Variants in PSD4 observed in about 807,000 individuals in gnomAD.
The protein encoded by PSD4 is pleckstrin and Sec7 domain containing 4, also known as PH and SEC7 domain-containing protein 4.
PSD4 carries 59 observed loss-of-function variants against 112.5 expected under a neutral mutation model. The ratio of observed to expected loss-of-function variants is 0.52; its 90% CI spans 0.43 to 0.65. The LOEUF (loss-of-function observed/expected upper bound fraction) is 0.65, where lower values mean the gene tolerates loss of function less well. Among genes scored for constraint, PSD4 ranks in the 30% least tolerant of loss-of-function variants. The pLI, the probability that PSD4 is intolerant of heterozygous loss-of-function variation, is 0.00. For missense variants in PSD4, 1,267 were observed against 1,352.6 expected, an observed-to-expected ratio of 0.94 and a Z score of 0.99; for synonymous variants, 533 against 540.0, an observed-to-expected ratio of 0.99 and a Z score of 0.18.
intron 1 of PSD4, among the ~76,000 whole-genome samples, chr2:113,176,112 C>T (rs45564941): frequency 4.0e-4 from 61 of 152,324 alleles, no homozygotes; most frequent in Middle Eastern, 3.4e-3. Flanking sequence ...CCATCACCTT[C>T]CTACTCAGGG....
At chr2:113,192,634 A>C (rs1573369131) in intron 6 of PSD4, 45 bp downstream of exon 6, 1 of 1,593,226 alleles carries the variant, frequency 6.3e-7, no homozygotes, top group Non-Finnish European at 8.6e-7. Flanking sequence ...TGAGGCAGCC[A>C]GGGAGGAGCT....
chr2:113,181,218 A>T (rs1366400448), intron 1 of PSD4, among the ~76,000 whole-genome samples: 1 of 134,644 alleles, frequency 7.4e-6, no homozygotes, highest in Non-Finnish European at 1.6e-5. Flanking sequence ...ACAGAGCGAG[A>T]CTCTGTCTCA....
intron 10 of PSD4, among the ~76,000 whole-genome samples, chr2:113,195,463 GTCAT>G: frequency 6.6e-6 from 1 of 152,246 alleles, no homozygotes; most frequent in African/African-American, 2.4e-5. Context: ...TGCCTGGCAG[GTCAT>G]CTTTATGTCT....
chr2:113,189,072 C>T (rs1688382293), intron 5 of PSD4, among the ~76,000 whole-genome samples: 1 of 152,116 alleles, frequency 6.6e-6, no homozygotes, highest in Non-Finnish European at 1.5e-5. Flanking sequence ...TCACCCTTTA[C>T]CCCTGAGTCT....
chr2:113,181,627 T>C (rs745664228), intron 1 of PSD4, among the ~76,000 whole-genome samples: 1 of 152,144 alleles, frequency 6.6e-6, no homozygotes, highest in Non-Finnish European at 1.5e-5. Flanking sequence ...CTCCTCCCCA[T>C]GCAGCAGGCA....
intron 1 of PSD4, among the ~76,000 whole-genome samples, 200 bp from the exon 2 acceptor site, chr2:113,182,146 C>T (rs1050162777): frequency 5.3e-5 from 8 of 152,198 alleles, no homozygotes; most frequent in Admixed American, 3.3e-4. Flanking sequence ...GCAGGTGCTG[C>T]CCTGGTGCAA....
At position 113,183,062 on chromosome 2, in the gene PSD4, C is replaced by A. The variant is rs761366546; in HGVS notation, c.606C>A (p.His202Gln). ...ACCTCCCCGGGGACACGGGCCTGCA[C>A]TCCAGCCCACCTGAGAATGAAGACT... Reference protein sequence around the residue: ...PVDLPGDTGLHSSPPENEDSG... With the variant: ...PVDLPGDTGLQSSPPENEDSG... Residue 202 changes from histidine to glutamine, a missense_variant, in exon 2 of 17, where the codon CAC (histidine) becomes CAA (glutamine). Physicochemically the swap from His to Gln is conservative, Grantham distance 24. Around this residue, in one of 2 missense-constraint regions of PSD4, gnomAD observed 723 missense variants for 704.0 expected, o/e 1.03. Coordinates refer to ENST00000245796, the MANE Select transcript of PSD4 (RefSeq NM_012455.3). The A allele has an allele frequency of 1.2e-6, 2 of 1,612,924 alleles. No individual in the cohort carries two copies. The highest frequency in any genetic ancestry group is 1.7e-6 in the Non-Finnish European group (2 of 1,179,194).
At chr2:113,185,154 C>T in intron 3 of PSD4, 81 bp downstream of exon 3, 1 of 1,599,082 alleles carries the variant, frequency 6.3e-7, no homozygotes, top group East Asian at 2.2e-5. Context: ...CAGGGCCTAG[C>T]ACCAACAATC....
chr2:113,200,095 G>T (rs1173519367), intron 16 of PSD4, among the ~76,000 whole-genome samples: 1 of 151,948 alleles, frequency 6.6e-6, no homozygotes, highest in South Asian at 2.1e-4. Flanking sequence ...CAAAGTGCTG[G>T]GATTACAGGT....
At chr2:113,198,095 G>A in intron 14 of PSD4, 182 bp downstream of exon 14, 1 of 774,762 alleles carries the variant, frequency 1.3e-6, no homozygotes, top group Non-Finnish European at 1.9e-6. Flanking sequence ...ATGAAGCCCA[G>A]GCATCGCCTA....
intron 10 of PSD4, among the ~76,000 whole-genome samples, chr2:113,194,450 TAG>T (rs1688541392): frequency 6.6e-6 from 1 of 152,258 alleles, no homozygotes; most frequent in Non-Finnish European, 1.5e-5. Context: ...GCTTGGCACA[TAG>T]CATGTGTGTC....
In PSD4 at chr2:113,198,818, C is replaced by G; in HGVS notation, c.2703C>G (p.Ala901=). The change falls in exon 15 of 17, where the codon GCC becomes GCG. Residue 901 remains alanine, a synonymous_variant. Coordinates refer to ENST00000245796, the MANE Select transcript of PSD4 (RefSeq NM_012455.3). The part of the protein sequence containing the change: ...AATHSAPPFP[A]AVGSQRRFVR... Reference sequence around the variant, plus strand: ...CGCACTCCGCGCCGCCCTTCCCCGCCGCTGTGGGCTCCCAGCGCAGATTCG... The same window carrying G: ...CGCACTCCGCGCCGCCCTTCCCCGCGGCTGTGGGCTCCCAGCGCAGATTCG... 6 of 1,595,350 alleles carry G rather than the reference C, an allele frequency of 3.8e-6. No individual in the cohort carries two copies. The highest frequency in any genetic ancestry group is 5.1e-6 in the Non-Finnish European group (6 of 1,175,372).
At chr2:113,198,056 G>A in intron 14 of PSD4, 143 bp downstream of exon 14, 2 of 1,076,704 alleles carry the variant, frequency 1.9e-6, no homozygotes, top group Non-Finnish European at 1.3e-6. Flanking sequence ...TTAGAAAGCG[G>A]CAGCAGGAAG....
In PSD4 at chr2:113,205,851, G is replaced by A. The variant is rs1286753277; in HGVS notation, c.*4436G>A. ...GCTGAGCTGAGCAGGCATGCTCACA[G>A]ATCCTCAAGGTTTCTTGAATGGCTA... On this transcript the variant is annotated 3_prime_UTR_variant, in exon 17 of 17. Coordinates refer to ENST00000245796, the MANE Select transcript of PSD4 (RefSeq NM_012455.3). 1.3e-5 allele frequency: 2 copies of A among 152,272 alleles called. No individual in the cohort carries two copies. The highest frequency in any genetic ancestry group is 1.3e-4 in the Admixed American group (2 of 15,280). The allele number at this position is 152,272 out of a possible 1,614,324, so 9.4% of individuals were successfully genotyped here.
At chr2:113,186,347 G>C in intron 5 of PSD4, 92 bp downstream of exon 5, 1 of 1,323,808 alleles carries the variant, frequency 7.6e-7, no homozygotes, top group Non-Finnish European at 1.0e-6. Context: ...ATGCACATTG[G>C]AATTAAACAT....
chr2:113,174,534 G>A (rs2104486785), intron 1 of PSD4, among the ~76,000 whole-genome samples: 1 of 152,272 alleles, frequency 6.6e-6, no homozygotes, highest in Middle Eastern at 3.4e-3. Flanking sequence ...TGGAAGGCCT[G>A]GGTTTGGGGT....
Position 113,182,884 on chromosome 2 carries a change from G to T in PSD4, c.428G>T (p.Ser143Ile), listed in dbSNP as rs771836147. The change falls in exon 2 of 17, where the codon AGC (serine) becomes ATC (isoleucine). Residue 143 changes from serine (S) to isoleucine (I), a missense_variant. Ser to Ile is a moderately radical substitution (Grantham distance 142). This residue lies in a region of PSD4 where 723 missense variants were observed against 704.0 expected (regional missense o/e 1.03). Coordinates refer to ENST00000245796, the MANE Select transcript of PSD4 (RefSeq NM_012455.3). Reference protein sequence around the residue: ...GSPVNSHLPGSPKQNRSTSTQ... With the variant: ...GSPVNSHLPGIPKQNRSTSTQ... ...CCAGTGAACAGCCATCTACCGGGGA[G>T]CCCAAAGCAGAACCGGAGCACGTCC... The T allele has an allele frequency of 1.2e-6, 2 of 1,614,202 alleles. No homozygotes were observed. Among genetic ancestry groups the T allele is most frequent in the East Asian group, 2.2e-5 (1 of 44,866 alleles).
intron 11 of PSD4, 71 bp from the exon 12 acceptor site, chr2:113,196,076 T>G: frequency 6.5e-7 from 1 of 1,542,558 alleles, no homozygotes; most frequent in Non-Finnish European, 8.8e-7. Flanking sequence ...GCTAAGGCTC[T>G]GGGAGGCAAT....
chr2:113,176,026 A>T (rs1488843163), intron 1 of PSD4, among the ~76,000 whole-genome samples: 3 of 152,100 alleles, frequency 2.0e-5, no homozygotes, highest in Admixed American at 1.3e-4. Context: ...TAGAGTTAGG[A>T]TGGGATTCTG....
Sources: allele counts gnomAD v4.1 joint callset (sites outside exome capture counted in the v4.1 genomes callset), GRCh38; gene constraint gnomAD v4.1.1; regional missense constraint gnomAD v4.1.1; transcripts MANE v1.5; gene names NCBI Gene and HGNC (gene_info 2026-07-23, HGNC 2026-07-21).